Variants in ZNF248 observed in about 807,000 individuals in gnomAD.
ZNF248 encodes the protein zinc finger protein 248.
ZNF248 carries 20 observed loss-of-function variants against 44.3 expected under a neutral mutation model. The observed-to-expected ratio is 0.45, with a 90% CI of 0.32 to 0.66. The LOEUF (loss-of-function observed/expected upper bound fraction) is 0.66. Among genes scored for constraint, ZNF248 ranks in the 30% least tolerant of loss-of-function variants. The pLI, the probability that ZNF248 is intolerant of heterozygous loss-of-function variation, is 0.04. For missense variants in ZNF248, 654 were observed against 677.0 expected (o/e 0.97, Z 0.38); for synonymous variants, 224 against 229.0 (o/e 0.98, Z 0.20).
At chr10:37,813,970 A>C (rs2051998628) in intron 6 of ZNF248, among the ~76,000 whole-genome samples, 1 of 152,190 alleles carries the variant, frequency 6.6e-6, no homozygotes. Context: ...GGTTTTATTT[A>C]ATCCATTCTG....
intron 3 of ZNF248, among the ~76,000 whole-genome samples, chr10:37,855,576 G>C (rs2061143578): frequency 6.6e-6 from 1 of 152,150 alleles, no homozygotes; most frequent in Non-Finnish European, 1.5e-5. Flanking sequence ...GGGAATCAAA[G>C]TTAGGAAAGG....
chr10:37,853,557 T>C (rs1258716521), intron 3 of ZNF248, among the ~76,000 whole-genome samples: 1 of 152,060 alleles, frequency 6.6e-6, no homozygotes, highest in African/African-American at 2.4e-5. Context: ...TTTTTGTACT[T>C]TTAGTAGAGA....
intron 6 of ZNF248, among the ~76,000 whole-genome samples, chr10:37,780,167 T>G (rs1355677644): frequency 1.3e-5 from 2 of 151,168 alleles, no homozygotes; most frequent in Non-Finnish European, 3.0e-5. Flanking sequence ...AAAATCTACT[T>G]TAAAGTTCAT....
intron 3 of ZNF248, among the ~76,000 whole-genome samples, chr10:37,850,564 C>A (rs1405309917): frequency 6.6e-6 from 1 of 152,130 alleles, no homozygotes; most frequent in Non-Finnish European, 1.5e-5. Flanking sequence ...TTACAGTCAT[C>A]AAGATAGCGT....
At chr10:37,773,733 T>C (rs1357986658), downstream of ZNF248, among the ~76,000 whole-genome samples, 1 of 152,096 alleles carries the variant, frequency 6.6e-6, no homozygotes, top group African/African-American at 2.4e-5. Flanking sequence ...TCATCTCTCT[T>C]TCTTATGAAG....
intron 6 of ZNF248, among the ~76,000 whole-genome samples, chr10:37,809,877 A>T (rs1766539278): frequency 6.6e-6 from 1 of 152,160 alleles, no homozygotes; most frequent in Non-Finnish European, 1.5e-5. Flanking sequence ...CTAACTTCAT[A>T]CTGTTGTGGT....
In ZNF248 at chr10:37,838,032, A is replaced by T; in HGVS notation, c.95T>A (p.Leu32Gln). The change falls in exon 4 of 6, where the codon CTA becomes CAA. Residue 32 changes from leucine to glutamine, a missense_variant. Transcript: ENST00000395867. ...ATTTTCCAGGATCACATCTCTGTATAGAATCTTCTGAGCAGGGTCCAGCAG... is the reference window on the plus strand; with the variant it reads ...ATTTTCCAGGATCACATCTCTGTATTGAATCTTCTGAGCAGGGTCCAGCAG... ...WYLLDPAQKI[L>Q]YRDVILENYS... The T allele has an allele frequency of 6.2e-7, 1 of 1,614,006 alleles. No individual in the cohort carries two copies. Among genetic ancestry groups the T allele is most frequent in the Non-Finnish European group, 8.5e-7 (1 of 1,179,916 alleles).
At chr10:37,819,470 T>C in intron 6 of ZNF248, 2 of 1,542,776 alleles carry the variant, frequency 1.3e-6, no homozygotes, top group Non-Finnish European at 1.8e-6. Context: ...GTATCTTTGC[T>C]CTATTAGTTC....
Position 37,856,473 on chromosome 10 carries a change from A to G in ZNF248, c.-66T>C. On this transcript the variant is annotated 5_prime_UTR_variant, in exon 2 of 6. It removes an upstream start codon present in the reference 5' UTR. Coordinates refer to ENST00000395867, the MANE Select transcript of ZNF248 (RefSeq NM_021045.3). ...GCTCCGATATATGCTGAGCTCAGAC[A>G]TGACACTTTTCACTGAGTGAATGTA... 7.6e-7 allele frequency: 1 copy of G among 1,311,034 alleles called. No homozygotes were observed. The highest frequency in any genetic ancestry group is 9.7e-7 in the Non-Finnish European group (1 of 1,025,808). 81.2% of individuals were successfully genotyped at this position (1,311,034 alleles called of 1,614,324 possible).
Position 37,830,588 on chromosome 10 carries a change from C to T in ZNF248, c.*1027G>A, listed in dbSNP as rs1015862714. The T allele has an allele frequency of 4.1e-6, 4 of 985,158 alleles. No homozygotes were observed. Among genetic ancestry groups the T allele is most frequent in the Admixed American group, 1.2e-4 (2 of 16,254 alleles). 61.0% of individuals were successfully genotyped at this position (985,158 alleles called of 1,614,324 possible). The stretch of plus-strand genomic sequence containing the variant: ...TAGAAGGGGTATGTGGTTTGTATTG[C>T]CAAATACGTTTTCATATATACACAG... On this transcript the variant is annotated 3_prime_UTR_variant, in exon 6 of 6. Transcript: ENST00000395867.
the ZNF248 span, among the ~76,000 whole-genome samples, chr10:37,761,471 A>G: frequency 6.6e-6 from 1 of 152,246 alleles, no homozygotes; most frequent in Non-Finnish European, 1.5e-5. Context: ...TAGCAACAAC[A>G]TAGGGACAGA....
intron 5 of ZNF248, among the ~76,000 whole-genome samples, chr10:37,833,329 G>T (rs539449342): frequency 1.4e-4 from 22 of 152,214 alleles, no homozygotes; most frequent in African/African-American, 5.1e-4. Flanking sequence ...AGAAGAAATT[G>T]GCAATGATAT....
At position 37,832,548 on chromosome 10, in the gene ZNF248, C is replaced by G; in HGVS notation, c.807G>C (p.Pro269=). The change falls in exon 6 of 6, where the codon CCG becomes CCC. Residue 269 remains proline (P), a synonymous_variant. Coordinates refer to ENST00000395867, the MANE Select transcript of ZNF248 (RefSeq NM_021045.3). The stretch of plus-strand genomic sequence containing the variant: ...ACTTCCCGCAAATACTGCATCCATA[C>G]GGCTCCATTTCCAAATGAGGTCTTT... The part of the protein sequence containing the change: ...ISQRPHLEME[P]YGCSICGKSF... The G allele has an allele frequency of 6.2e-7, 1 of 1,613,860 alleles. No individual in the cohort carries two copies.
the ZNF248 span, among the ~76,000 whole-genome samples, chr10:37,769,741 C>G: frequency 8.9e-4 from 135 of 152,314 alleles, 1 homozygote; most frequent in African/African-American, 3.2e-3. Flanking sequence ...CTCACCACTC[C>G]TATTCAACAT....
At chr10:37,792,071 C>T (rs1035306325) in intron 6 of ZNF248, 1 of 152,148 alleles carries the variant, frequency 6.6e-6, no homozygotes, top group Non-Finnish European at 1.5e-5. Context: ...AGGAGGGTGA[C>T]AAGGTACAAA....
At chr10:37,845,266 C>A (rs894925525) in intron 3 of ZNF248, among the ~76,000 whole-genome samples, 1 of 151,874 alleles carries the variant, frequency 6.6e-6, no homozygotes, top group African/African-American at 2.4e-5. Flanking sequence ...GATTCACCTG[C>A]CTTAGCCTTC....
At position 37,832,452 on chromosome 10, in the gene ZNF248, T is replaced by G. The variant is rs2056028039; in HGVS notation, c.903A>C (p.Glu301Asp). ...LTKDNPYEYN[E>D]YGEIFCDNSA... is the part of the protein sequence containing the mutation. ...AATTGTCACAGAAGATTTCCCCATA[T>G]TCATTATATTCATAAGGATTGTCCT... The change falls in exon 6 of 6, where the codon GAA becomes GAC. Residue 301 changes from glutamate (E) to aspartate (D), a missense_variant. By Grantham distance (45) the Glu-to-Asp change is conservative. Transcript: ENST00000395867. 3.1e-6 allele frequency: 5 copies of G among 1,613,900 alleles called. No homozygotes were observed. The highest frequency in any genetic ancestry group is 1.7e-5 in the Admixed American group (1 of 59,970).
At chr10:37,839,806 A>C (rs1033032956) in intron 3 of ZNF248, among the ~76,000 whole-genome samples, 35 of 152,166 alleles carry the variant, frequency 2.3e-4, no homozygotes, top group African/African-American at 8.2e-4. Flanking sequence ...CCAAAATAGC[A>C]CTATCAACCA....
downstream of ZNF248, among the ~76,000 whole-genome samples, chr10:37,774,727 T>G (rs2046446685): frequency 6.6e-6 from 1 of 152,258 alleles, no homozygotes; most frequent in Non-Finnish European, 1.5e-5. Context: ...TTAAAGACAT[T>G]TTCTTAGACT....
Sources: gnomAD v4.1 joint callset for allele counts (sites outside exome capture counted in the v4.1 genomes callset) on GRCh38, gnomAD v4.1.1 for gene constraint, MANE v1.5 for transcripts, NCBI Gene and HGNC (gene_info 2026-07-23, HGNC 2026-07-21) for gene names.